MEGF8: variants seen among roughly 807,000 people sequenced by gnomAD.
MEGF8 encodes multiple EGF like domains 8.
A neutral mutation model predicts 302.9 loss-of-function variants in MEGF8; 156 were observed. That is an observed-to-expected ratio of 0.52 (90% confidence interval 0.45 to 0.59). The LOEUF (loss-of-function observed/expected upper bound fraction) is 0.59, where lower values mean the gene tolerates loss of function less well. Ranked by LOEUF, MEGF8 falls within the 20% of genes least tolerant of loss-of-function variation. The probability of loss-of-function intolerance (pLI) is 0.00; values close to 1 mark genes in which losing one functional copy is unlikely to be tolerated. For synonymous variants in MEGF8, 1,621 were observed against 1,660.5 expected, an observed-to-expected ratio of 0.98 and a Z score of 0.58; for missense variants, 3,345 against 3,964.5, an observed-to-expected ratio of 0.84 and a Z score of 4.20.
In MEGF8 at chr19:42,352,789, A is replaced by G. The variant is rs1320604241; in HGVS notation, c.3351-139A>G. On this transcript the variant is annotated intron_variant, in intron 19 of 41. Transcript: ENST00000251268. This position sits in a 1 kb window ranked among gnomAD's most constrained non-coding sequence, Gnocchi z 4.4. ...TTGGTGATGCATGGAGTTACCTTGG[A>G]GACAGGGTCACCCACATAGCCCAAA... The G allele has an allele frequency of 7.3e-6, 5 of 686,222 alleles. No homozygotes were observed. The highest frequency in any genetic ancestry group is 2.5e-6 in the Non-Finnish European group (1 of 403,762). 42.5% of individuals were successfully genotyped at this position (686,222 alleles called of 1,614,324 possible). A position where few individuals can be genotyped will look rare whatever the true frequency, so the allele number is the denominator to read the frequency against.
Position 42,360,789 on chromosome 19 carries a change from G to A in MEGF8, c.5503G>A (p.Gly1835Arg), listed in dbSNP as rs1198032083. ...LPDLTRSASV[G>R]PPMEESVAHA... ...TCTTTCCTCAGGCTCGGCCTCTGTG[G>A]GGCCCCCAATGGAGGAGTCTGTGGC... The change falls in exon 32 of 42, where the codon GGG becomes AGG. Residue 1835 changes from glycine (G) to arginine (R), a missense_variant. Gly to Arg is a moderately radical substitution (Grantham distance 125). Coordinates refer to ENST00000251268, the MANE Select transcript of MEGF8 (RefSeq NM_001271938.2). The A allele has an allele frequency of 2.5e-6, 4 of 1,591,852 alleles. No individual in the cohort carries two copies. The highest frequency in any genetic ancestry group is 3.6e-5 in the Admixed American group (2 of 55,782).
rs1164916926 is a variant in MEGF8, at chr19:42,333,646, C to T, written c.229C>T (p.Leu77=). Residue 77 remains leucine, a synonymous_variant, in exon 2 of 42, where the codon CTG becomes TTG. Coordinates refer to ENST00000251268, the MANE Select transcript of MEGF8 (RefSeq NM_001271938.2). Reference sequence around the variant, plus strand: ...CCGGATCCTGCTGGACTTCCTTTTCCTGGACACAGAGTGCACGTATGACTA... The same window carrying T: ...CCGGATCCTGCTGGACTTCCTTTTCTTGGACACAGAGTGCACGTATGACTA... ...QHRILLDFLF[L]DTECTYDYLF... 1 of 1,614,014 alleles carries T rather than the reference C, an allele frequency of 6.2e-7. No homozygotes were observed. Among genetic ancestry groups the T allele is most frequent in the Admixed American group, 1.7e-5 (1 of 60,024 alleles).
At chr19:42,342,785 T>C (rs2039233045) in intron 8 of MEGF8, among the ~76,000 whole-genome samples, 1 of 152,110 alleles carries the variant, frequency 6.6e-6, no homozygotes, top group Non-Finnish European at 1.5e-5. Flanking sequence ...TCTTGCCTTG[T>C]GTAGATGGTC....
chr19:42,362,866 C>T (rs1406211928), intron 34 of MEGF8, among the ~76,000 whole-genome samples, 182 bp from the exon 35 acceptor site: 2 of 147,856 alleles, frequency 1.4e-5, no homozygotes, highest in Non-Finnish European at 3.0e-5. Flanking sequence ...GGCCTGGACT[C>T]CTGGGTCTGA....
Position 42,361,024 on chromosome 19 carries a change from G to A in MEGF8, c.5720+18G>A, listed in dbSNP as rs758888778. 6.5e-7 allele frequency: 1 copy of A among 1,531,846 alleles called. No individual in the cohort carries two copies. Among genetic ancestry groups the A allele is most frequent in the Admixed American group, 2.0e-5 (1 of 48,888 alleles). The allele number at this position is 1,531,846 out of a possible 1,614,324, so 94.9% of individuals were successfully genotyped here. On this transcript the variant is annotated intron_variant, in intron 32 of 41. Transcript: ENST00000251268. ...GCCCACAGGTAACCATGGCGACCATGACAGGCAGTGGGGAGTGGAGCCCTC... is the reference window on the plus strand; with the variant it reads ...GCCCACAGGTAACCATGGCGACCATAACAGGCAGTGGGGAGTGGAGCCCTC...
rs756370726 is a variant in MEGF8 at position 42,371,460 on chromosome 19, G to T, written c.7247G>T (p.Arg2416Leu). The change falls in exon 41 of 42, where the codon CGT becomes CTT. Residue 2416 changes from arginine (R) to leucine (L), a missense_variant. By Grantham distance (102) the Arg-to-Leu change is moderately radical (BLOSUM62 -2). Transcript: ENST00000251268. ...TGCCAGGGCAGCTCCCCCAGTGACC[G>T]TCGAGACTGCTACAAGTACCAGGTG... is the stretch of plus-strand genomic sequence containing the variant. ...GTCQGSSPSDRRDCYKYQCAK... is the reference protein window; with the variant it reads ...GTCQGSSPSDLRDCYKYQCAK... The T allele has an allele frequency of 1.2e-6, 2 of 1,613,848 alleles. No homozygotes were observed. Among genetic ancestry groups the T allele is most frequent in the South Asian group, 2.2e-5 (2 of 91,084 alleles).
chr19:42,361,035 G>T, intron 32 of MEGF8, 29 bp downstream of exon 32: 1 of 1,526,114 alleles, frequency 6.6e-7, no homozygotes, highest in Non-Finnish European at 8.8e-7. Flanking sequence ...ACAGGCAGTG[G>T]GGAGTGGAGC....
Position 42,363,149 on chromosome 19 carries a change from C to A in MEGF8, c.6160C>A (p.Pro2054Thr). ...VSPMPVESSP[P>T]LPCPTPCHLL... ...CCCCATGCCGGTGGAATCATCACCCCCACTGCCCTGCCCCACCCCTTGTCA... is the reference window on the plus strand; with the variant it reads ...CCCCATGCCGGTGGAATCATCACCCACACTGCCCTGCCCCACCCCTTGTCA... The change falls in exon 35 of 42, where the codon CCA becomes ACA. Residue 2054 changes from proline to threonine, a missense_variant. Transcript: ENST00000251268. 1 of 1,612,712 alleles carries A rather than the reference C, an allele frequency of 6.2e-7. No individual in the cohort carries two copies. The highest frequency in any genetic ancestry group is 2.2e-5 in the East Asian group (1 of 44,858).
intron 14 of MEGF8, 72 bp from the exon 15 acceptor site, chr19:42,350,076 C>T: frequency 7.8e-7 from 1 of 1,284,654 alleles, no homozygotes; most frequent in Non-Finnish European, 1.1e-6. Context: ...CAAACCCTTA[C>T]TTTCAGTTAG....
At position 42,360,351 on chromosome 19, in the gene MEGF8, T is replaced by G. The variant is rs545366159; in HGVS notation, c.5489-424T>G. On this transcript the variant is annotated intron_variant, in intron 31 of 41. Coordinates refer to ENST00000251268, the MANE Select transcript of MEGF8 (RefSeq NM_001271938.2). Reference sequence around the variant, plus strand: ...TTTCCTCTCTGCTTCTGCTGTTTTTTTTTTTTTTTTTGGAGACATGGTCTT... The same window carrying G: ...TTTCCTCTCTGCTTCTGCTGTTTTTGTTTTTTTTTTTGGAGACATGGTCTT... 2.0e-5 allele frequency among the ~76,000 whole-genome samples: 3 copies of G among 151,224 alleles called. No individual in the cohort carries two copies. In the South Asian group the frequency reaches 6.3e-4, roughly 32 times the overall value.
At position 42,366,549 on chromosome 19, in the gene MEGF8, G is replaced by A. The variant is rs569147267; in HGVS notation, c.6274-1906G>A. ...GGCCTGTGAGTCTGGGGCAGGCAGC[G>A]GAGACACTCCTTCTCTGGTCTGCCT... On this transcript the variant is annotated intron_variant, in intron 35 of 41. Transcript: ENST00000251268. 1.1e-4 allele frequency among the ~76,000 whole-genome samples: 17 copies of A among 152,208 alleles called. No individual in the cohort carries two copies. The South Asian group carries it at 2.3e-3, about 20-fold the overall frequency.
chr19:42,337,349 A>G, intron 8 of MEGF8, 143 bp downstream of exon 8: 2 of 1,136,684 alleles, frequency 1.8e-6, no homozygotes, highest in Non-Finnish European at 2.5e-6. Flanking sequence ...CAAGCCTGGG[A>G]TGGAGATGGG....
chr19:42,376,856 C>A lies in MEGF8; in HGVS notation c.*81C>A. ...CTTGGGGTCCCTCCACCTGGGGGCC[C>A]CTGGACACTGTCTACTTGGAGACCA... On this transcript the variant is annotated 3_prime_UTR_variant, in exon 42 of 42. Transcript: ENST00000251268. This position sits in a 1 kb window ranked among gnomAD's most constrained non-coding sequence, Gnocchi z 8.2. The A allele has an allele frequency of 7.2e-7, 1 of 1,387,850 alleles. No individual in the cohort carries two copies. The highest frequency in any genetic ancestry group is 1.5e-5 in the African/African-American group (1 of 67,924). 86.0% of individuals were successfully genotyped at this position (1,387,850 alleles called of 1,614,324 possible).
Position 42,378,716 on chromosome 19 carries a change from CA to C in MEGF8, c.*1942del, listed in dbSNP as rs2039800680. ...ATGTCAGAGGTGGTGGGGACCACAT[CA>C]GAAGAAGAGGGGGGTGATGAAATTA... On this transcript the variant is annotated 3_prime_UTR_variant, in exon 42 of 42. Coordinates refer to ENST00000251268, the MANE Select transcript of MEGF8 (RefSeq NM_001271938.2). The C allele has an allele frequency of 6.5e-6, 1 of 153,726 alleles. No homozygotes were observed. Among genetic ancestry groups the C allele is most frequent in the Non-Finnish European group, 1.5e-5 (1 of 68,040 alleles). 9.5% of individuals were successfully genotyped at this position (153,726 alleles called of 1,614,324 possible). A position where few individuals can be genotyped will look rare whatever the true frequency, so the allele number is the denominator to read the frequency against.
chr19:42,352,101 T>C lies in MEGF8; in HGVS notation c.3102-107T>C, dbSNP rs2039383001. 26 of 1,355,312 alleles carry C rather than the reference T, an allele frequency of 1.9e-5. No homozygotes were observed. Among genetic ancestry groups the C allele is most frequent in the Non-Finnish European group, 2.4e-5 (24 of 1,018,720 alleles). 84.0% of individuals were successfully genotyped at this position (1,355,312 alleles called of 1,614,324 possible). ...CTCTGTCTCTCTTTCCAAATTTGTATTTGCATCCCTCTCCTTCCAATTGGC... is the reference window on the plus strand; with the variant it reads ...CTCTGTCTCTCTTTCCAAATTTGTACTTGCATCCCTCTCCTTCCAATTGGC... On this transcript the variant is annotated intron_variant, in intron 18 of 41. Transcript: ENST00000251268. The surrounding 1 kb of genome is among the most constrained non-coding windows in gnomAD (Gnocchi z 4.4).
intron 35 of MEGF8, among the ~76,000 whole-genome samples, chr19:42,365,772 TAAAAAAA>T (rs771190592): frequency 6.9e-5 from 4 of 57,666 alleles, no homozygotes; most frequent in Non-Finnish European, 7.1e-5. Context: ...ACCCCGTCTC[TAAAAAAA>T]AAAAAAAAAA....
In MEGF8 at chr19:42,336,688, G is replaced by A. The variant is rs2039132704; in HGVS notation, c.1245-119G>A. 5.7e-6 allele frequency: 8 copies of A among 1,412,134 alleles called. No homozygotes were observed. The highest frequency in any genetic ancestry group is 7.6e-6 in the Non-Finnish European group (8 of 1,052,278). The allele number at this position is 1,412,134 out of a possible 1,614,324, so 87.5% of individuals were successfully genotyped here. A position where few individuals can be genotyped will look rare whatever the true frequency, so the allele number is the denominator to read the frequency against. On this transcript the variant is annotated intron_variant, in intron 6 of 41. Coordinates refer to ENST00000251268, the MANE Select transcript of MEGF8 (RefSeq NM_001271938.2). This position sits in a 1 kb window ranked among gnomAD's most constrained non-coding sequence, Gnocchi z 4.8. ...CCACAGGGAACTTCTAGTTTGGAGG[G>A]GACATAGAGTCAGTCATGGCCAGTC... is the stretch of plus-strand genomic sequence containing the variant.
chr19:42,355,907 C>T lies in MEGF8; in HGVS notation c.4294C>T (p.Leu1432Phe), dbSNP rs1433947083. ...CCAGGACGGTGCTGCAGGTGCGGGG[C>T]TCTGCCGATGTCCTCAGGGCTGGGC... is the stretch of plus-strand genomic sequence containing the variant. ...VPQDGAAGAG[L>F]CRCPQGWAGP... is the part of the protein sequence containing the mutation. Residue 1432 changes from leucine (L) to phenylalanine (F), a missense_variant, in exon 24 of 42, where the codon CTC (leucine) becomes TTC (phenylalanine). By Grantham distance (22) the Leu-to-Phe change is conservative. Transcript: ENST00000251268. 1 of 1,592,906 alleles carries T rather than the reference C, an allele frequency of 6.3e-7. No homozygotes were observed. The highest frequency in any genetic ancestry group is 1.1e-5 in the South Asian group (1 of 88,002).
Position 42,354,156 on chromosome 19 carries a change from A to C in MEGF8, c.4011+132A>C. 3.5e-6 allele frequency: 4 copies of C among 1,140,576 alleles called. No individual in the cohort carries two copies. Among genetic ancestry groups the C allele is most frequent in the South Asian group, 1.7e-5 (1 of 59,448 alleles). The allele number at this position is 1,140,576 out of a possible 1,614,324, so 70.7% of individuals were successfully genotyped here. A position where few individuals can be genotyped will look rare whatever the true frequency, so the allele number is the denominator to read the frequency against. On this transcript the variant is annotated intron_variant, in intron 22 of 41. Coordinates refer to ENST00000251268, the MANE Select transcript of MEGF8 (RefSeq NM_001271938.2). This position sits in a 1 kb window ranked among gnomAD's most constrained non-coding sequence, Gnocchi z 4.3. Reference sequence around the variant, plus strand: ...TGTTTTTTTAATCCTTCAAAACCCAAACTCCTCCTCAGATCCCCAGCACTT... The same window carrying C: ...TGTTTTTTTAATCCTTCAAAACCCACACTCCTCCTCAGATCCCCAGCACTT...
Sources: gnomAD v4.1 joint callset for allele counts (sites outside exome capture counted in the v4.1 genomes callset) on GRCh38, gnomAD v4.1.1 for gene constraint, Gnocchi (gnomAD v3.1) non-coding constraint, MANE v1.5 for transcripts, NCBI Gene and HGNC (gene_info 2026-07-23, HGNC 2026-07-21) for gene names.